XIRP2: variants seen among roughly 807,000 people sequenced by gnomAD.
XIRP2 encodes the protein xin actin binding repeat containing 2.
XIRP2 carries 236 observed loss-of-function variants against 277.0 expected under a neutral mutation model. That is an observed-to-expected ratio of 0.85 (90% confidence interval 0.77 to 0.95). The LOEUF (loss-of-function observed/expected upper bound fraction) is 0.95. Ranked by LOEUF, XIRP2 falls within the 40% of genes least tolerant of loss-of-function variation. The pLI is 0.00. For synonymous variants in XIRP2, 1,490 were observed against 1,416.5 expected (o/e 1.05, Z -1.17); for missense variants, 4,640 against 4,157.5 (o/e 1.12, Z -3.19).
chr2:166,977,614 A>G (rs1445214472), intron 2 of XIRP2, among the ~76,000 whole-genome samples: 1 of 152,200 alleles, frequency 6.6e-6, no homozygotes, highest in Non-Finnish European at 1.5e-5. Context: ...GTAACAATGA[A>G]GAGATTTAAA....
intron 10 of XIRP2, among the ~76,000 whole-genome samples, chr2:167,254,439 A>G (rs956340239): frequency 1.3e-5 from 2 of 151,956 alleles, no homozygotes; most frequent in African/African-American, 4.8e-5. Context: ...GCAAATCAAG[A>G]TTTTTAAGTT....
rs1694843959 is a variant in XIRP2, at chr2:167,234,406, ATT to A, written c.859-5447_859-5446del. Among the ~76,000 whole-genome samples, 7 of 149,018 alleles carry A rather than the reference ATT, an allele frequency of 4.7e-5. No homozygotes were observed. The South Asian group carries it at 1.5e-3, about 31-fold the overall frequency. On this transcript the variant is annotated intron_variant, in intron 5 of 10. Coordinates refer to ENST00000409195, the MANE Select transcript of XIRP2 (RefSeq NM_152381.6). ...TATATCATTAATTATATATATATAT[ATT>A]TACATATATTGCATAGATAGAGATA...
intron 3 of XIRP2, among the ~76,000 whole-genome samples, chr2:167,137,191 G>A (rs1328436325): frequency 1.3e-5 from 2 of 152,164 alleles, no homozygotes; most frequent in African/African-American, 4.8e-5. Context: ...GTGGGAGGCA[G>A]GTGTAGGAAC....
intron 2 of XIRP2, among the ~76,000 whole-genome samples, chr2:166,939,308 A>G (rs1685621999): frequency 6.6e-6 from 1 of 152,010 alleles, no homozygotes; most frequent in African/African-American, 2.4e-5. Flanking sequence ...ATCTCTCAGC[A>G]TTTGCTTGTC....
intron 3 of XIRP2, among the ~76,000 whole-genome samples, chr2:167,177,326 G>A (rs73025716): frequency 0.099 from 15,036 of 152,076 alleles, 799 homozygotes; most frequent in South Asian, 0.16. Context: ...AAACAATACT[G>A]TAATTCTATA....
chr2:167,144,025 T>C (rs913710198), intron 3 of XIRP2, among the ~76,000 whole-genome samples: 1 of 152,074 alleles, frequency 6.6e-6, no homozygotes, highest in Non-Finnish European at 1.5e-5. Flanking sequence ...ATATTAGAAA[T>C]ACTTCACTAT....
intron 3 of XIRP2, among the ~76,000 whole-genome samples, chr2:167,170,155 T>A (rs1692642297): frequency 6.6e-6 from 1 of 152,162 alleles, no homozygotes; most frequent in Non-Finnish European, 1.5e-5. Context: ...GATAAAGAAC[T>A]TTTAAAAATT....
Position 167,259,029 on chromosome 2 carries a change from C to T in XIRP2, c.*1212C>T. ...CTCTTAAACATTAAAGGAAGCCATTCAAAGAGCAAAAATTTACACTTTTTC... is the reference window on the plus strand; with the variant it reads ...CTCTTAAACATTAAAGGAAGCCATTTAAAGAGCAAAAATTTACACTTTTTC... On this transcript the variant is annotated 3_prime_UTR_variant, in exon 11 of 11. Coordinates refer to ENST00000409195, the MANE Select transcript of XIRP2 (RefSeq NM_152381.6). The T allele has an allele frequency of 6.2e-7, 1 of 1,609,320 alleles. No homozygotes were observed. Among genetic ancestry groups the T allele is most frequent in the Admixed American group, 1.7e-5 (1 of 59,596 alleles).
chr2:167,057,878 G>A (rs1689076681), intron 2 of XIRP2, among the ~76,000 whole-genome samples: 1 of 152,040 alleles, frequency 6.6e-6, no homozygotes, highest in African/African-American at 2.4e-5. Context: ...AATAGGCAGA[G>A]GGGCTTTTAC....
At chr2:167,022,713 C>T (rs1263116216) in intron 2 of XIRP2, among the ~76,000 whole-genome samples, 1 of 151,158 alleles carries the variant, frequency 6.6e-6, no homozygotes, top group African/African-American at 2.4e-5. Context: ...GGTTTTTTGT[C>T]CTTGCGGTAG....
intron 3 of XIRP2, among the ~76,000 whole-genome samples, chr2:167,146,137 A>T (rs535333312): frequency 6.9e-6 from 1 of 144,964 alleles, no homozygotes; most frequent in South Asian, 2.1e-4. Flanking sequence ...AACACAGCAG[A>T]TATGTTATAC....
rs750820952 is a variant in XIRP2, at chr2:167,248,375, C to T, written c.6983C>T (p.Ser2328Leu). ...CCTGAAAAAAATGGGTTTCTTCCCT[C>T]ACTGTCCACAGAGAAGATAAAGGCT... ...MFPEKNGFLP[S>L]LSTEKIKAEF... Residue 2328 changes from serine (S) to leucine (L), a missense_variant, in exon 9 of 11, where the codon TCA (serine) becomes TTA (leucine). Coordinates refer to ENST00000409195, the MANE Select transcript of XIRP2 (RefSeq NM_152381.6). 1.2e-6 allele frequency: 2 copies of T among 1,613,658 alleles called. No individual in the cohort carries two copies. Among genetic ancestry groups the T allele is most frequent in the Non-Finnish European group, 8.5e-7 (1 of 1,179,842 alleles).
chr2:166,949,618 T>G (rs1685974806), intron 2 of XIRP2, among the ~76,000 whole-genome samples: 2 of 152,084 alleles, frequency 1.3e-5, no homozygotes, highest in South Asian at 4.1e-4. Flanking sequence ...TTATGAACCA[T>G]GTTTCCAGTT....
intron 5 of XIRP2, among the ~76,000 whole-genome samples, chr2:167,231,220 C>T (rs1187871568): frequency 1.3e-5 from 2 of 151,894 alleles, no homozygotes; most frequent in Non-Finnish European, 2.9e-5. Flanking sequence ...TGTCATCTCT[C>T]CCAGTGAAAA....
chr2:167,201,615 C>T (rs2105378724), intron 3 of XIRP2, among the ~76,000 whole-genome samples: 1 of 152,192 alleles, frequency 6.6e-6, no homozygotes, highest in Non-Finnish European at 1.5e-5. Flanking sequence ...GTGACCAAAG[C>T]AATATAGCTG....
chr2:167,150,443 T>C (rs554412146), intron 3 of XIRP2, among the ~76,000 whole-genome samples: 8 of 151,982 alleles, frequency 5.3e-5, no homozygotes, highest in Non-Finnish European at 1.5e-5. Flanking sequence ...CAATTATCAA[T>C]GATGGAGGAT....
chr2:166,941,396 G>C (rs1024552416), intron 2 of XIRP2, among the ~76,000 whole-genome samples: 1 of 152,328 alleles, frequency 6.6e-6, no homozygotes, highest in Admixed American at 6.5e-5. Flanking sequence ...CACTTCCCAG[G>C]TAAGGCGATG....
chr2:167,020,020 T>C (rs2105483191), intron 2 of XIRP2, among the ~76,000 whole-genome samples: 1 of 152,182 alleles, frequency 6.6e-6, no homozygotes, highest in South Asian at 2.1e-4. Context: ...AGGAGATGGA[T>C]GTTAATGTCA....
chr2:167,065,273 C>T lies in XIRP2; in HGVS notation c.409-70636C>T, dbSNP rs190426765. Reference sequence around the variant, plus strand: ...TAAATAGTGATATTAAACATTTTTCCATGGTTCATTGGCCATTTGTATACT... The same window carrying T: ...TAAATAGTGATATTAAACATTTTTCTATGGTTCATTGGCCATTTGTATACT... On this transcript the variant is annotated intron_variant, in intron 2 of 10. Coordinates refer to ENST00000409195, the MANE Select transcript of XIRP2 (RefSeq NM_152381.6). Among the ~76,000 whole-genome samples, 18 of 151,804 alleles carry T rather than the reference C, an allele frequency of 1.2e-4. No homozygotes were observed. In the East Asian group the frequency reaches 2.9e-3, roughly 24 times the overall value.
Sources: allele counts gnomAD v4.1 joint callset (sites outside exome capture counted in the v4.1 genomes callset), GRCh38; gene constraint gnomAD v4.1.1; transcripts MANE v1.5; gene names NCBI Gene and HGNC (gene_info 2026-07-23, HGNC 2026-07-21).